ANKRD7: variants seen among roughly 807,000 people sequenced by gnomAD.
ANKRD7 encodes the protein ankyrin repeat domain-containing protein 7.
In ANKRD7, 30 loss-of-function variants were observed where a neutral mutation model predicts 30.8. The observed-to-expected ratio is 0.97, with a 90% CI of 0.73 to 1.32. The LOEUF (loss-of-function observed/expected upper bound fraction) is 1.32, where lower values mean the gene tolerates loss of function less well. Among genes scored for constraint, ANKRD7 ranks in the 40% most tolerant of loss-of-function variants. The pLI, the probability that ANKRD7 is intolerant of heterozygous loss-of-function variation, is 0.00. For missense variants in ANKRD7, 264 were observed against 295.7 expected, an observed-to-expected ratio of 0.89 and a Z score of 0.79; for synonymous variants, 97 against 106.6, an observed-to-expected ratio of 0.91 and a Z score of 0.55.
chr7:118,233,166 T>C (rs901798529), intron 1 of ANKRD7, among the ~76,000 whole-genome samples: 2 of 152,110 alleles, frequency 1.3e-5, no homozygotes, highest in Non-Finnish European at 2.9e-5. Context: ...ATTTAGACCA[T>C]GTTGTTTGAT....
At chr7:118,231,608 A>C (rs1489742836) in intron 1 of ANKRD7, among the ~76,000 whole-genome samples, 1 of 152,130 alleles carries the variant, frequency 6.6e-6, no homozygotes, top group Non-Finnish European at 1.5e-5. Flanking sequence ...TGAAGGCTAC[A>C]GCTATGCCCT....
At chr7:118,226,257 TTTG>T (rs1280840107) in intron 1 of ANKRD7, among the ~76,000 whole-genome samples, 1 of 152,176 alleles carries the variant, frequency 6.6e-6, no homozygotes, top group African/African-American at 2.4e-5. Context: ...AAAACAGGCA[TTTG>T]AACTCGCTGT....
At chr7:118,234,244 A>T (rs1211707767) in intron 1 of ANKRD7, among the ~76,000 whole-genome samples, 187 bp from the exon 2 acceptor site, 2 of 152,170 alleles carry the variant, frequency 1.3e-5, no homozygotes, top group African/African-American at 2.4e-5. Flanking sequence ...TTTAATCTTC[A>T]ACACACTTGC....
At chr7:118,225,058 C>G (rs772363297) in intron 1 of ANKRD7, 49 bp downstream of exon 1, 1 of 1,594,242 alleles carries the variant, frequency 6.3e-7, no homozygotes, top group Non-Finnish European at 8.5e-7. Flanking sequence ...GGGCCTGGGT[C>G]GTTCAACCAG....
intron 6 of ANKRD7, among the ~76,000 whole-genome samples, chr7:118,241,344 A>G (rs996055545): frequency 2.6e-5 from 4 of 151,546 alleles, no homozygotes; most frequent in Non-Finnish European, 4.4e-5. Context: ...GTAAAATGGA[A>G]GAAAATAAAA....
intron 4 of ANKRD7, 30 bp downstream of exon 4, chr7:118,236,177 C>T: frequency 6.2e-6 from 8 of 1,288,962 alleles, no homozygotes; most frequent in Non-Finnish European, 8.9e-6. Flanking sequence ...TAGCACATAA[C>T]TAAAGCTACC....
At chr7:118,225,720 A>G (rs1809529258) in intron 1 of ANKRD7, among the ~76,000 whole-genome samples, 2 of 152,176 alleles carry the variant, frequency 1.3e-5, no homozygotes, top group African/African-American at 4.8e-5. Context: ...TAACACTTGG[A>G]AACATCAAAA....
intron 4 of ANKRD7, 61 bp downstream of exon 4, chr7:118,236,208 G>GTA (rs1284688067): frequency 4.8e-5 from 40 of 831,362 alleles, no homozygotes; most frequent in African/African-American, 7.6e-5. Flanking sequence ...GTGTGTGTGC[G>GTA]TATGTGTGTG....
chr7:118,227,473 G>A (rs1396693530), intron 1 of ANKRD7, among the ~76,000 whole-genome samples: 2 of 152,182 alleles, frequency 1.3e-5, no homozygotes, highest in East Asian at 1.9e-4. Flanking sequence ...TTTTGTATTC[G>A]CTCAGGGTGC....
At chr7:118,236,220 G>GTGTGTGTGTT in intron 4 of ANKRD7, 73 bp downstream of exon 4, 1 of 741,152 alleles carries the variant, frequency 1.3e-6, no homozygotes, top group Admixed American at 2.7e-5. Context: ...ATGTGTGTGT[G>GTGTGTGTGTT]TGTGTGTGTG....
At chr7:118,240,963 G>A (rs1413471942) in intron 6 of ANKRD7, among the ~76,000 whole-genome samples, 4 of 149,990 alleles carry the variant, frequency 2.7e-5, no homozygotes, top group African/African-American at 9.8e-5. Flanking sequence ...GACCATCCTG[G>A]CTAACAAGGT....
chr7:118,241,155 C>G (rs990603729), intron 6 of ANKRD7, among the ~76,000 whole-genome samples: 1 of 111,884 alleles, frequency 8.9e-6, no homozygotes, highest in African/African-American at 3.6e-5. Flanking sequence ...AGCGAGACTC[C>G]GTCTCAAAAA....
intron 3 of ANKRD7, among the ~76,000 whole-genome samples, chr7:118,235,633 A>AG (rs1554368610): frequency 6.6e-6 from 1 of 151,012 alleles, no homozygotes; most frequent in East Asian, 2.0e-4. Flanking sequence ...AAAAAAAAAA[A>AG]GCGTATTGAT....
Position 118,234,828 on chromosome 7 carries a change from T to C in ANKRD7, c.422T>C (p.Val141Ala). The C allele has an allele frequency of 1.2e-6, 2 of 1,611,136 alleles. No homozygotes were observed. The highest frequency in any genetic ancestry group is 1.1e-5 in the South Asian group (1 of 90,078). Residue 141 changes from valine to alanine, a missense_variant, in exon 3 of 7, where the codon GTT (valine) becomes GCT (alanine). By Grantham distance (64) the Val-to-Ala change is moderately conservative (BLOSUM62 0). Coordinates refer to ENST00000265224, the MANE Select transcript of ANKRD7 (RefSeq NM_019644.4). ...GTTTGTGGTCAAAGTTTGTCATTAGTTGAAAAACTGCTTGAATACGAAGCT... is the reference window on the plus strand; with the variant it reads ...GTTTGTGGTCAAAGTTTGTCATTAGCTGAAAAACTGCTTGAATACGAAGCT... ...YAVCGQSLSL[V>A]EKLLEYEADL...
In ANKRD7 at chr7:118,230,682, A is replaced by C. The variant is rs1256081433; in HGVS notation, c.180-3749A>C. 3.3e-5 allele frequency among the ~76,000 whole-genome samples: 5 copies of C among 151,884 alleles called. No individual in the cohort carries two copies. The East Asian group carries it at 7.7e-4, about 23-fold the overall frequency. On this transcript the variant is annotated intron_variant, in intron 1 of 6. Coordinates refer to ENST00000265224, the MANE Select transcript of ANKRD7 (RefSeq NM_019644.4). ...GAGAGAGAGAGAGATACTGAAAATG[A>C]GAAAGATAAAATATTAAAGGACATA... is the stretch of plus-strand genomic sequence containing the variant.
At position 118,236,708 on chromosome 7, in the gene ANKRD7, A is replaced by G. The variant is rs1809736293; in HGVS notation, c.576-82A>G. ...TCTGATAGAGGCCCTACATTTGAGT[A>G]GTAAATTGAGAAGACTGAATTTTTA... On this transcript the variant is annotated intron_variant, in intron 4 of 6. Coordinates refer to ENST00000265224, the MANE Select transcript of ANKRD7 (RefSeq NM_019644.4). 5 of 1,407,308 alleles carry G rather than the reference A, an allele frequency of 3.6e-6. No individual in the cohort carries two copies. In the South Asian group the frequency reaches 6.7e-5, roughly 19 times the overall value. The allele number at this position is 1,407,308 out of a possible 1,614,324, so 87.2% of individuals were successfully genotyped here.
At position 118,236,693 on chromosome 7, in the gene ANKRD7, G is replaced by T. The variant is rs1186747451; in HGVS notation, c.576-97G>T. On this transcript the variant is annotated intron_variant, in intron 4 of 6. Transcript: ENST00000265224. ...GTTGCTTTGACTCTTTCTGATAGAG[G>T]CCCTACATTTGAGTAGTAAATTGAG... 1.1e-5 allele frequency: 14 copies of T among 1,255,434 alleles called. No homozygotes were observed. The South Asian group carries it at 2.0e-4, about 18-fold the overall frequency. The allele number at this position is 1,255,434 out of a possible 1,614,324, so 77.8% of individuals were successfully genotyped here.
chr7:118,230,077 T>C (rs1267580937), intron 1 of ANKRD7, among the ~76,000 whole-genome samples: 11 of 152,066 alleles, frequency 7.2e-5, no homozygotes, highest in Non-Finnish European at 1.5e-4. Context: ...AACATCATAC[T>C]GAATGTGGAA....
chr7:118,236,796 C>A lies in ANKRD7; in HGVS notation c.582C>A (p.Ala194=), dbSNP rs1454123222. 2.5e-6 allele frequency: 4 copies of A among 1,613,318 alleles called. No individual in the cohort carries two copies. The African/African-American group carries it at 5.3e-5, about 22-fold the overall frequency. ...VNASDNYQRT[A]LILAVSGEPP... Reference sequence around the variant, plus strand: ...TTTCTATCTCTTGCTCCAGAACAGCCCTTATTCTTGCTGTCAGTGGTGAAC... The same window carrying A: ...TTTCTATCTCTTGCTCCAGAACAGCACTTATTCTTGCTGTCAGTGGTGAAC... Residue 194 remains alanine (A), a synonymous_variant, in exon 5 of 7, where the codon GCC becomes GCA. Transcript: ENST00000265224.
Sources: gnomAD v4.1 joint callset for allele counts (sites outside exome capture counted in the v4.1 genomes callset) on GRCh38, gnomAD v4.1.1 for gene constraint, MANE v1.5 for transcripts, NCBI Gene and HGNC (gene_info 2026-07-23, HGNC 2026-07-21) for gene names.